Variants in NEGR1 observed in about 807,000 individuals in gnomAD.
NEGR1 encodes the protein neuronal growth regulator 1.
Under a neutral mutation model 40.9 loss-of-function variants are expected in NEGR1, and 10 were observed. The observed-to-expected ratio is 0.24, with a 90% CI of 0.15 to 0.42. The LOEUF (loss-of-function observed/expected upper bound fraction) is 0.42, where lower values mean the gene tolerates loss of function less well. Among genes scored for constraint, NEGR1 ranks in the 10% least tolerant of loss-of-function variants. The pLI is 1.00. For synonymous variants in NEGR1, 185 were observed against 166.8 expected (o/e 1.11, Z -0.84); for missense variants, 352 against 438.9 (o/e 0.80, Z 1.77).
intron 4 of NEGR1, among the ~76,000 whole-genome samples, chr1:71,635,924 G>C (rs1361575165): frequency 6.6e-6 from 1 of 151,486 alleles, no homozygotes; most frequent in East Asian, 1.9e-4. Context: ...TCTTGATCTG[G>C]GATAACTATC....
chr1:71,859,280 T>G (rs1570439551), intron 2 of NEGR1, among the ~76,000 whole-genome samples: 1 of 152,140 alleles, frequency 6.6e-6, no homozygotes, highest in African/African-American at 2.4e-5. Flanking sequence ...GCCTGGGAAC[T>G]TCCTCTTCTG....
intron 6 of NEGR1, among the ~76,000 whole-genome samples, chr1:71,512,950 A>G (rs1647086502): frequency 6.6e-6 from 1 of 152,166 alleles, no homozygotes; most frequent in African/African-American, 2.4e-5. Flanking sequence ...AAAGTAATAT[A>G]TTTACATTAA....
At chr1:72,129,302 T>C (rs891561701) in intron 1 of NEGR1, among the ~76,000 whole-genome samples, 7 of 152,232 alleles carry the variant, frequency 4.6e-5, no homozygotes, top group Admixed American at 1.3e-4. Flanking sequence ...ATGTTATTGA[T>C]TAATCTAAAA....
At chr1:71,777,981 T>A (rs1484350799) in intron 2 of NEGR1, among the ~76,000 whole-genome samples, 2 of 151,932 alleles carry the variant, frequency 1.3e-5, no homozygotes, top group East Asian at 3.9e-4. Flanking sequence ...CTTTTCAGCT[T>A]AACTAAAACA....
At chr1:72,262,363 T>C (rs953861975) in intron 1 of NEGR1, among the ~76,000 whole-genome samples, 1 of 152,146 alleles carries the variant, frequency 6.6e-6, no homozygotes, top group Middle Eastern at 3.4e-3. Context: ...GTTTCCTTTA[T>C]AGTGACAAAA....
chr1:72,143,421 A>G (rs1650760904), intron 1 of NEGR1, among the ~76,000 whole-genome samples: 1 of 151,916 alleles, frequency 6.6e-6, no homozygotes, highest in Non-Finnish European at 1.5e-5. Context: ...TGAGAGAGTG[A>G]GGAGAGGATA....
chr1:71,471,028 A>G (rs976769128), intron 6 of NEGR1, among the ~76,000 whole-genome samples: 6 of 152,078 alleles, frequency 3.9e-5, no homozygotes, highest in African/African-American at 1.4e-4. Context: ...TTTTTATTCC[A>G]TTCATAAATG....
chr1:71,983,678 G>C (rs1172975834), intron 1 of NEGR1, among the ~76,000 whole-genome samples: 2 of 152,116 alleles, frequency 1.3e-5, no homozygotes, highest in Non-Finnish European at 2.9e-5. Context: ...AGAAATGAAA[G>C]ATGTATAAAG....
chr1:72,042,577 C>T (rs903274238), intron 1 of NEGR1, among the ~76,000 whole-genome samples: 1 of 151,952 alleles, frequency 6.6e-6, no homozygotes, highest in African/African-American at 2.4e-5. Context: ...TATCTCCCTT[C>T]AACCTACCCT....
In NEGR1 at chr1:71,834,886, A is replaced by AACACACACACACACACACACACACACAC. The variant is rs1330229060; in HGVS notation, c.410-58590_410-58589insGTGTGTGTGTGTGTGTGTGTGTGTGTGT. 4.7e-3 allele frequency among the ~76,000 whole-genome samples: 370 copies of AACACACACACACACACACACACACACAC among 78,164 alleles called. 4 individuals carry two copies. The highest frequency in any genetic ancestry group is 3.3e-3 in the Non-Finnish European group (139 of 42,282). 51.3% of individuals were successfully genotyped at this position (78,164 alleles called of 152,430 possible). On this transcript the variant is annotated intron_variant, in intron 2 of 6. Transcript: ENST00000357731. ...CACCGTCGTTTTAAGATTTTAGGAG[A>AACACACACACACACACACACACACACAC]TCACACACACACACACACACACAGC... is the stretch of plus-strand genomic sequence containing the variant.
chr1:72,044,361 AACT>A (rs1646982621), intron 1 of NEGR1, among the ~76,000 whole-genome samples: 1 of 151,364 alleles, frequency 6.6e-6, no homozygotes. Context: ...GAAAATGAAA[AACT>A]AATATCCTCA....
chr1:71,659,566 T>G (rs1425066882), intron 4 of NEGR1, among the ~76,000 whole-genome samples: 2 of 152,132 alleles, frequency 1.3e-5, no homozygotes, highest in Admixed American at 6.6e-5. Context: ...AAATAAAATA[T>G]TTGCAAACTA....
intron 2 of NEGR1, among the ~76,000 whole-genome samples, chr1:71,895,295 G>A (rs887219852): frequency 1.3e-5 from 2 of 152,086 alleles, no homozygotes; most frequent in African/African-American, 4.8e-5. Flanking sequence ...ATCCGTTTAA[G>A]TAGGTTGTTT....
chr1:71,579,005 A>T (rs1246283303), intron 6 of NEGR1, among the ~76,000 whole-genome samples: 1 of 152,208 alleles, frequency 6.6e-6, no homozygotes, highest in African/African-American at 2.4e-5. Flanking sequence ...TTTCACATGC[A>T]TTATGACACA....
At chr1:71,933,867 T>C (rs1645878700) in intron 2 of NEGR1, among the ~76,000 whole-genome samples, 1 of 152,096 alleles carries the variant, frequency 6.6e-6, no homozygotes, top group Non-Finnish European at 1.5e-5. Context: ...GTTAAAATAT[T>C]TACTGTACTA....
At chr1:72,003,313 GT>G (rs138870661) in intron 1 of NEGR1, among the ~76,000 whole-genome samples, 3,440 of 151,672 alleles carry the variant, frequency 0.023, 116 homozygotes, top group African/African-American at 0.079. Context: ...CAACATTTTT[GT>G]ACCTAAGCTC....
intron 6 of NEGR1, among the ~76,000 whole-genome samples, chr1:71,419,490 G>A (rs1646379030): frequency 6.6e-6 from 1 of 151,970 alleles, no homozygotes; most frequent in South Asian, 2.1e-4. Flanking sequence ...CTATTAGCAG[G>A]CACATACTCT....
chr1:72,051,316 C>T (rs1206615433), intron 1 of NEGR1, among the ~76,000 whole-genome samples: 1 of 151,332 alleles, frequency 6.6e-6, no homozygotes, highest in Non-Finnish European at 1.5e-5. Flanking sequence ...TAATCTAGTA[C>T]CTGAATCTGG....
intron 6 of NEGR1, among the ~76,000 whole-genome samples, chr1:71,582,912 A>G (rs1166126205): frequency 6.6e-6 from 1 of 152,120 alleles, no homozygotes; most frequent in Non-Finnish European, 1.5e-5. Context: ...AACTTAAATC[A>G]ATTTTGGGTA....
Sources: allele counts gnomAD v4.1 joint callset (sites outside exome capture counted in the v4.1 genomes callset), GRCh38; gene constraint gnomAD v4.1.1; transcripts MANE v1.5; gene names NCBI Gene and HGNC (gene_info 2026-07-23, HGNC 2026-07-21).